Variants in MDGA2 observed in about 807,000 individuals in gnomAD.
MDGA2 encodes MAM domain-containing glycosylphosphatidylinositol anchor protein 2.
Under a neutral mutation model 117.8 loss-of-function variants are expected in MDGA2, and 40 were observed. The ratio of observed to expected loss-of-function variants is 0.34; its 90% confidence interval spans 0.26 to 0.44. MDGA2 has a LOEUF of 0.44. Ranked by LOEUF, MDGA2 falls within the 20% of genes least tolerant of loss-of-function variation. MDGA2 has a pLI of 1.00. For missense variants in MDGA2, 1,123 were observed against 1,250.6 expected, an observed-to-expected ratio of 0.90 and a Z score of 1.54; for synonymous variants, 452 against 439.0, an observed-to-expected ratio of 1.03 and a Z score of -0.37.
At chr14:47,659,581 G>C (rs1030934169) in intron 1 of MDGA2, among the ~76,000 whole-genome samples, 4 of 151,910 alleles carry the variant, frequency 2.6e-5, no homozygotes, top group Admixed American at 1.3e-4. Context: ...AATTATTGTT[G>C]GTAAAATTAA....
At chr14:47,561,176 TTTG>T (rs1358832496) in intron 1 of MDGA2, among the ~76,000 whole-genome samples, 1 of 75,388 alleles carries the variant, frequency 1.3e-5, no homozygotes, top group Non-Finnish European at 2.7e-5. Flanking sequence ...TTTTTGTTTG[TTTG>T]TTTTTTTTTG....
chr14:47,483,785 A>G (rs1894000725), intron 1 of MDGA2, among the ~76,000 whole-genome samples: 1 of 152,100 alleles, frequency 6.6e-6, no homozygotes, highest in Non-Finnish European at 1.5e-5. Flanking sequence ...GTTGGCATCT[A>G]TTTTCATCTT....
chr14:47,658,590 CA>C (rs1897787724), intron 1 of MDGA2, among the ~76,000 whole-genome samples: 1 of 152,108 alleles, frequency 6.6e-6, no homozygotes, highest in South Asian at 2.1e-4. Flanking sequence ...AGTTCTCAAA[CA>C]GGATAAGCAA....
chr14:47,557,602 A>G (rs373403989), intron 1 of MDGA2, among the ~76,000 whole-genome samples: 2 of 152,206 alleles, frequency 1.3e-5, no homozygotes, highest in African/African-American at 4.8e-5. Flanking sequence ...TCAACATTCA[A>G]CAGTTCAAAA....
chr14:47,163,092 T>G (rs1594682450), intron 3 of MDGA2, among the ~76,000 whole-genome samples: 1 of 152,310 alleles, frequency 6.6e-6, no homozygotes, highest in Middle Eastern at 3.4e-3. Flanking sequence ...TGTCACATCT[T>G]TGGGGCTCTA....
intron 10 of MDGA2, among the ~76,000 whole-genome samples, chr14:46,896,927 G>GT (rs770165154): frequency 2.8e-4 from 43 of 152,294 alleles, no homozygotes; most frequent in Middle Eastern, 6.8e-3. Flanking sequence ...CCAATGACAT[G>GT]TAAGTGTAGG....
chr14:47,443,423 T>C (rs899111097), intron 1 of MDGA2, among the ~76,000 whole-genome samples: 1 of 152,150 alleles, frequency 6.6e-6, no homozygotes, highest in African/African-American at 2.4e-5. Context: ...AGAACTACTA[T>C]ATGACACTAG....
chr14:47,597,498 G>A (rs1046756803), intron 1 of MDGA2, among the ~76,000 whole-genome samples: 4 of 151,754 alleles, frequency 2.6e-5, no homozygotes, highest in South Asian at 2.1e-4. Context: ...GACTAGCCCC[G>A]GGGGTGTCAT....
chr14:47,508,306 G>A (rs531301262), intron 1 of MDGA2, among the ~76,000 whole-genome samples: 1 of 149,268 alleles, frequency 6.7e-6, no homozygotes, highest in Admixed American at 6.7e-5. Context: ...TCTGAGTAAT[G>A]TAGAGTTAAT....
At chr14:47,348,675 G>A (rs1466079575) in intron 1 of MDGA2, among the ~76,000 whole-genome samples, 1 of 152,186 alleles carries the variant, frequency 6.6e-6, no homozygotes, top group African/African-American at 2.4e-5. Flanking sequence ...CTTAACTGTA[G>A]CAGAAAGACC....
intron 8 of MDGA2, among the ~76,000 whole-genome samples, chr14:47,029,235 A>G (rs1352290333): frequency 6.6e-6 from 1 of 152,136 alleles, no homozygotes; most frequent in Admixed American, 6.6e-5. Flanking sequence ...AGATTTCTTG[A>G]GAAAAAGCCT....
At chr14:47,211,338 A>G (rs1885876177) in intron 3 of MDGA2, among the ~76,000 whole-genome samples, 2 of 152,162 alleles carry the variant, frequency 1.3e-5, no homozygotes, top group Admixed American at 6.6e-5. Context: ...CATGGATGCT[A>G]ACCAAAAACA....
In MDGA2 at chr14:46,965,218, C is replaced by T. The variant is rs567729198; in HGVS notation, c.1820-7575G>A. Among the ~76,000 whole-genome samples the T allele has an allele frequency of 1.2e-3, 149 of 120,352 alleles. 33 individuals carry two copies. Among genetic ancestry groups the T allele is most frequent in the African/African-American group, 6.2e-3 (138 of 22,420 alleles). The allele number at this position is 120,352 out of a possible 152,430, so 79.0% of individuals were successfully genotyped here. On this transcript the variant is annotated intron_variant, in intron 8 of 16. Transcript: ENST00000399232. Reference sequence around the variant, plus strand: ...GATTACAGGCGCGAGCCACCGCGCCCGGCCTATATTTACTTTTTTATAGAT... The same window carrying T: ...GATTACAGGCGCGAGCCACCGCGCCTGGCCTATATTTACTTTTTTATAGAT...
chr14:47,039,102 C>G (rs926132755), intron 7 of MDGA2, among the ~76,000 whole-genome samples: 4 of 152,114 alleles, frequency 2.6e-5, no homozygotes, highest in Non-Finnish European at 5.9e-5. Context: ...AAGAATTACT[C>G]AACTCTCTTA....
chr14:47,040,296 C>A (rs61992829), intron 7 of MDGA2, among the ~76,000 whole-genome samples: 1 of 151,992 alleles, frequency 6.6e-6, no homozygotes, highest in Admixed American at 6.6e-5. Context: ...ACACTAACAG[C>A]GGTTCTCTCT....
intron 1 of MDGA2, among the ~76,000 whole-genome samples, chr14:47,535,622 T>C (rs577997642): frequency 3.9e-5 from 6 of 152,242 alleles, no homozygotes; most frequent in South Asian, 4.1e-4. Flanking sequence ...AGGCTAAAAA[T>C]AGAAGCAGAT....
intron 1 of MDGA2, among the ~76,000 whole-genome samples, chr14:47,317,796 T>C (rs886271535): frequency 9.2e-5 from 14 of 152,104 alleles, no homozygotes; most frequent in African/African-American, 3.4e-4. Context: ...ACCATCTATA[T>C]GGCCCACAAA....
intron 1 of MDGA2, among the ~76,000 whole-genome samples, chr14:47,461,197 C>T (rs1483057648): frequency 6.6e-6 from 1 of 151,060 alleles, no homozygotes; most frequent in Non-Finnish European, 1.5e-5. Context: ...CCTAGAGTTT[C>T]CTAATTACTT....
intron 15 of MDGA2, among the ~76,000 whole-genome samples, chr14:46,846,432 G>T (rs1162787084): frequency 6.6e-6 from 1 of 151,980 alleles, no homozygotes; most frequent in African/African-American, 2.4e-5. Flanking sequence ...TGATTTCACT[G>T]CTGATATTCC....
Sources: allele counts gnomAD v4.1 joint callset (sites outside exome capture counted in the v4.1 genomes callset), GRCh38; gene constraint gnomAD v4.1.1; transcripts MANE v1.5; gene names NCBI Gene and HGNC (gene_info 2026-07-23, HGNC 2026-07-21).